The following SVIL variants were observed in gnomAD, a reference collection of about 807,000 sequenced individuals.
SVIL encodes the protein archvillin.
SVIL carries 101 observed loss-of-function variants against 240.4 expected under a neutral mutation model. That is an observed-to-expected ratio of 0.42 (90% CI 0.36 to 0.50). The LOEUF is 0.50. Ranked by LOEUF, SVIL falls within the 20% of genes least tolerant of loss-of-function variation. The pLI is 0.01. For synonymous variants in SVIL, 999 were observed against 1,100.0 expected, an observed-to-expected ratio of 0.91 and a Z score of 1.82; for missense variants, 2,512 against 2,818.7, an observed-to-expected ratio of 0.89 and a Z score of 2.46.
In SVIL at chr10:29,506,756, GGGACAGAGGCCCTAGAGGGAAA is replaced by G. The variant is rs1223677573; in HGVS notation, c.3516+5957_3516+5978del. ...GAGGGGACAGAGGCCCTAGAGGGAGGGGACAGAGGCCCTAGAGGGAAAGGACAGAGGCCCTATGAGGGAGGGG... is the reference window on the plus strand; with the variant it reads ...GAGGGGACAGAGGCCCTAGAGGGAGGGGACAGAGGCCCTATGAGGGAGGGG... On this transcript the variant is annotated intron_variant, in intron 17 of 37. Transcript: ENST00000355867. Among the ~76,000 whole-genome samples the G allele has an allele frequency of 4.4e-3, 618 of 140,458 alleles. 4 individuals carry two copies. Among genetic ancestry groups the G allele is most frequent in the Middle Eastern group, 0.016 (4 of 254 alleles). The allele number at this position is 140,458 out of a possible 152,430, so 92.1% of individuals were successfully genotyped here.
intron 2 of SVIL, among the ~76,000 whole-genome samples, chr10:29,568,839 G>A (rs1390861411): frequency 6.6e-6 from 1 of 151,882 alleles, no homozygotes; most frequent in African/African-American, 2.4e-5. Flanking sequence ...GTGTGTGTTT[G>A]TGTATGTGTG....
At position 29,473,811 on chromosome 10, in the gene SVIL, C is replaced by T. The variant is rs199754334; in HGVS notation, c.5529+27G>A. 1.0e-4 allele frequency: 162 copies of T among 1,613,304 alleles called. 1 individual carries two copies. In the African/African-American group the frequency reaches 1.5e-3, roughly 15 times the overall value. On this transcript the variant is annotated intron_variant, in intron 30 of 37. Coordinates refer to ENST00000355867, the MANE Select transcript of SVIL (RefSeq NM_021738.3). Reference sequence around the variant, plus strand: ...AGGAGAGGATGCTCCTCTCAGTCCCCGGGGTGCAGAGCTCCCCAGGACTCA... The same window carrying T: ...AGGAGAGGATGCTCCTCTCAGTCCCTGGGGTGCAGAGCTCCCCAGGACTCA...
intron 12 of SVIL, among the ~76,000 whole-genome samples, chr10:29,528,510 G>A (rs575703739): frequency 6.6e-6 from 1 of 151,876 alleles, no homozygotes; most frequent in Non-Finnish European, 1.5e-5. Context: ...AGGCTGAGGT[G>A]GGAGGATCGC....
chr10:29,622,077 C>T (rs1304075140), intron 1 of SVIL, among the ~76,000 whole-genome samples: 6 of 150,730 alleles, frequency 4.0e-5, no homozygotes, highest in Non-Finnish European at 5.9e-5. Context: ...GGTGAAACCC[C>T]GTCTCTACTA....
intron 3 of SVIL, among the ~76,000 whole-genome samples, chr10:29,647,606 A>G (rs919801533): frequency 6.6e-6 from 1 of 150,850 alleles, no homozygotes; most frequent in African/African-American, 2.4e-5. Context: ...TTTACTACCC[A>G]TTTTTAATGC....
chr10:29,581,877 C>T (rs1176810791), intron 1 of SVIL, among the ~76,000 whole-genome samples: 2 of 152,098 alleles, frequency 1.3e-5, no homozygotes, highest in Admixed American at 6.5e-5. Context: ...GAATATTATT[C>T]GGCCTTAAAA....
At chr10:29,515,411 A>C (rs535354435) in intron 16 of SVIL, among the ~76,000 whole-genome samples, 1 of 152,378 alleles carries the variant, frequency 6.6e-6, no homozygotes, top group African/African-American at 2.4e-5. Context: ...TCACAAAATG[A>C]AATCATTAAA....
At chr10:29,465,976 TAAAAAG>T (rs1296922621) in intron 33 of SVIL, among the ~76,000 whole-genome samples, 2 of 151,608 alleles carry the variant, frequency 1.3e-5, no homozygotes, top group Non-Finnish European at 2.9e-5. Flanking sequence ...AATGCAAAAT[TAAAAAG>T]AAAAGAAAAA....
intron 5 of SVIL, 107 bp from the exon 6 acceptor site, chr10:29,551,370 T>G (rs1022866903): frequency 1.8e-6 from 2 of 1,106,308 alleles, no homozygotes; most frequent in African/African-American, 3.1e-5. Context: ...GTGCCCATGC[T>G]GTGAAGGACC....
chr10:29,525,982 C>T (rs903557898), intron 13 of SVIL, among the ~76,000 whole-genome samples: 1 of 152,170 alleles, frequency 6.6e-6, no homozygotes, highest in Non-Finnish European at 1.5e-5. Flanking sequence ...CCAGCTTTAT[C>T]CCGGCACTGC....
chr10:29,515,340 C>T (rs1393295752), intron 16 of SVIL, among the ~76,000 whole-genome samples: 2 of 152,164 alleles, frequency 1.3e-5, no homozygotes, highest in East Asian at 1.9e-4. Context: ...TATATAATGA[C>T]TATGATTCAT....
At chr10:29,470,963 G>C (rs1945506143) in intron 31 of SVIL, among the ~76,000 whole-genome samples, 175 bp downstream of exon 31, 1 of 152,048 alleles carries the variant, frequency 6.6e-6, no homozygotes, top group South Asian at 2.1e-4. Flanking sequence ...AATTCTCCAG[G>C]GAGAGGCGGG....
At chr10:29,536,911 C>CAAAAAAAAA (rs59133069) in intron 6 of SVIL, among the ~76,000 whole-genome samples, 26 of 89,802 alleles carry the variant, frequency 2.9e-4, no homozygotes, top group African/African-American at 7.8e-4. Flanking sequence ...GACTCTGTCA[C>CAAAAAAAAA]AAAAAAAAAA....
intron 2 of SVIL, among the ~76,000 whole-genome samples, chr10:29,668,351 C>T (rs1395212992): frequency 6.6e-6 from 1 of 152,216 alleles, no homozygotes; most frequent in African/African-American, 2.4e-5. Context: ...TCTGTCTACA[C>T]AGATGAGGCC....
intron 1 of SVIL, among the ~76,000 whole-genome samples, chr10:29,605,028 G>A (rs1219679981): frequency 6.6e-6 from 1 of 152,188 alleles, no homozygotes; most frequent in African/African-American, 2.4e-5. Flanking sequence ...TTTGTTTCTT[G>A]TTTGTCCTTA....
chr10:29,523,379 A>T, intron 15 of SVIL, 72 bp downstream of exon 15: 2 of 1,410,006 alleles, frequency 1.4e-6, no homozygotes, highest in Non-Finnish European at 1.9e-6. Context: ...AAGCCATCAT[A>T]GACACAGGAC....
intron 2 of SVIL, among the ~76,000 whole-genome samples, chr10:29,674,287 A>G (rs1272170682): frequency 1.3e-5 from 2 of 152,144 alleles, no homozygotes; most frequent in African/African-American, 2.4e-5. Flanking sequence ...GTGAGCTGTG[A>G]TCCACTGCAC....
intron 1 of SVIL, among the ~76,000 whole-genome samples, chr10:29,704,631 C>T (rs1014460952): frequency 2.6e-5 from 4 of 152,182 alleles, no homozygotes; most frequent in African/African-American, 7.2e-5. Flanking sequence ...TTTAATTTCT[C>T]AGTTTATTGA....
At chr10:29,487,620 C>T in intron 23 of SVIL, 1 of 225,388 alleles carries the variant, frequency 4.4e-6, no homozygotes, top group African/African-American at 2.3e-5. Context: ...TCACTCTTCT[C>T]CCGGGGCCTT....
Sources: allele counts gnomAD v4.1 joint callset (sites outside exome capture counted in the v4.1 genomes callset), GRCh38; gene constraint gnomAD v4.1.1; transcripts MANE v1.5; gene names NCBI Gene and HGNC (gene_info 2026-07-23, HGNC 2026-07-21).